QARS1: variants seen among roughly 807,000 people sequenced by gnomAD.
The protein encoded by QARS1 is glutaminyl-tRNA synthetase 1, also known as glutamine--tRNA ligase.
A neutral mutation model predicts 106.9 loss-of-function variants in QARS1; 79 were observed. The observed-to-expected ratio is 0.74, with a 90% confidence interval of 0.62 to 0.89. The LOEUF is 0.89. Ranked by LOEUF, QARS1 falls within the 40% of genes least tolerant of loss-of-function variation. The pLI is 0.00. For synonymous variants in QARS1, 395 were observed against 367.7 expected, an observed-to-expected ratio of 1.07 and a Z score of -0.85; for missense variants, 966 against 997.2, an observed-to-expected ratio of 0.97 and a Z score of 0.42.
chr3:49,102,045 T>C (rs1288966156), intron 7 of QARS1, 146 bp from the exon 8 acceptor site: 9 of 1,326,860 alleles, frequency 6.8e-6, no homozygotes, highest in Non-Finnish European at 9.5e-6. Context: ...CATGCCAGTC[T>C]CTGGGCAAAG....
At chr3:49,103,283 G>T in intron 5 of QARS1, 62 bp downstream of exon 5, 1 of 1,559,102 alleles carries the variant, frequency 6.4e-7, no homozygotes. Flanking sequence ...ATCCCTTAGT[G>T]GATTCCAGGC....
chr3:49,100,794 G>C (rs2042460780), intron 10 of QARS1, 120 bp from the exon 11 acceptor site: 1 of 862,968 alleles, frequency 1.2e-6, no homozygotes, highest in African/African-American at 1.7e-5. Context: ...TTTTGAGATG[G>C]AGTCTTGATT....
Position 49,100,190 on chromosome 3 carries a change from C to A in QARS1, c.1164G>T (p.Glu388Asp), listed in dbSNP as rs201842141. ...CCCAGATGCTCCTCTAGGACCCCAC[C>A]TCAAAGAGCAGCAGTGACTCCTCCA... The part of the protein sequence containing the change: ...RPMEESLLLF[E>D]AMRKGKFSEG... Residue 388 changes from glutamate to aspartate, a missense_variant and splice_region_variant, in exon 13 of 24, where the codon GAG becomes GAT. Coordinates refer to ENST00000306125, the MANE Select transcript of QARS1 (RefSeq NM_005051.3). 19 of 1,614,136 alleles carry A rather than the reference C, an allele frequency of 1.2e-5. No homozygotes were observed. Among genetic ancestry groups the A allele is most frequent in the Non-Finnish European group, 1.6e-5 (19 of 1,180,048 alleles).
chr3:49,103,088 G>A (rs1368387168), intron 5 of QARS1, among the ~76,000 whole-genome samples: 2 of 152,146 alleles, frequency 1.3e-5, no homozygotes, highest in African/African-American at 4.8e-5. Context: ...CCCACAAATT[G>A]CTGGGACTAC....
chr3:49,101,568 A>G (rs1482471851), intron 9 of QARS1, 52 bp downstream of exon 9: 1 of 1,603,088 alleles, frequency 6.2e-7, no homozygotes, highest in Non-Finnish European at 8.5e-7. Context: ...CAGCCCAGGC[A>G]CTCAGGCAGG....
intron 7 of QARS1, 51 bp from the exon 8 acceptor site, chr3:49,101,950 T>A (rs1227920140): frequency 6.4e-7 from 1 of 1,555,906 alleles, no homozygotes; most frequent in East Asian, 2.3e-5. Context: ...ATTTACCATA[T>A]CCTACAGCCA....
rs957290917 is a variant in QARS1 at position 49,102,008 on chromosome 3, A to C, written c.632-109T>G. 8.9e-6 allele frequency: 12 copies of C among 1,349,140 alleles called. No homozygotes were observed. The Admixed American group carries it at 1.3e-4, about 15-fold the overall frequency. 83.6% of individuals were successfully genotyped at this position (1,349,140 alleles called of 1,614,324 possible). A position where few individuals can be genotyped will look rare whatever the true frequency, so the allele number is the denominator to read the frequency against. On this transcript the variant is annotated intron_variant, in intron 7 of 23. Coordinates refer to ENST00000306125, the MANE Select transcript of QARS1 (RefSeq NM_005051.3). ...ATTCCCTCAATTCCAGAGACAAGAT[A>C]TCTAGAGCCAGACATCTGAGGCCTC...
chr3:49,103,972 G>A lies in QARS1; in HGVS notation c.266C>T (p.Ala89Val), dbSNP rs2042505210. The change falls in exon 3 of 24, where the codon GCT (alanine) becomes GTT (valine). Residue 89 changes from alanine to valine, a missense_variant and splice_region_variant. Coordinates refer to ENST00000306125, the MANE Select transcript of QARS1 (RefSeq NM_005051.3). ...GTGACTCCGCACATACTCAAGGGCA[G>A]CTGAGAAGAAAGAGCCCGTGAGTTT... ...KKIHTEPQLS[A>V]ALEYVRSHPL... 3 of 1,612,880 alleles carry A rather than the reference G, an allele frequency of 1.9e-6. No individual in the cohort carries two copies. The highest frequency in any genetic ancestry group is 2.2e-5 in the South Asian group (2 of 91,052).
chr3:49,096,095 A>T lies in QARS1; in HGVS notation c.2278-16T>A. 4 of 1,612,642 alleles carry T rather than the reference A, an allele frequency of 2.5e-6. No homozygotes were observed. Among genetic ancestry groups the T allele is most frequent in the Non-Finnish European group, 2.5e-6 (3 of 1,179,272 alleles). ...TAAAGACAAGCTGGAGGGCAGAGGG[A>T]AAAGGATGACCACCAACCCAGAACA... is the stretch of plus-strand genomic sequence containing the variant. On this transcript the variant is annotated splice_polypyrimidine_tract_variant and intron_variant, in intron 23 of 23. Coordinates refer to ENST00000306125, the MANE Select transcript of QARS1 (RefSeq NM_005051.3).
intron 23 of QARS1, 104 bp downstream of exon 23, chr3:49,097,888 A>G: frequency 6.8e-7 from 1 of 1,470,112 alleles, no homozygotes; most frequent in Non-Finnish European, 9.3e-7. Flanking sequence ...CAACTCCCTC[A>G]GGTGGTGAGG....
At position 49,096,060 on chromosome 3, in the gene QARS1, A is replaced by G. The variant is rs779522277; in HGVS notation, c.2297T>C (p.Val766Ala). Residue 766 changes from valine (V) to alanine (A), a missense_variant, in exon 24 of 24, where the codon GTC becomes GCC. Coordinates refer to ENST00000306125, the MANE Select transcript of QARS1 (RefSeq NM_005051.3). The stretch of plus-strand genomic sequence containing the variant: ...CTTTCCTGGGTCTTCCTTCAGTGTG[A>G]CAGTTCGGTTAAAGACAAGCTGGAG... The part of the protein sequence containing the change: ...HQGKLVFNRT[V>A]TLKEDPGKV 6.2e-7 allele frequency: 1 copy of G among 1,613,880 alleles called. No individual in the cohort carries two copies. Among genetic ancestry groups the G allele is most frequent in the Non-Finnish European group, 8.5e-7 (1 of 1,179,934 alleles).
intron 1 of QARS1, 54 bp downstream of exon 1, chr3:49,104,563 G>A (rs370736458): frequency 1.2e-5 from 19 of 1,597,120 alleles, no homozygotes; most frequent in Non-Finnish European, 1.4e-5. Context: ...ACCCCGCCCC[G>A]CGCTGCGTTG....
chr3:49,099,003 C>A lies in QARS1; in HGVS notation c.1759-14G>T. 6.2e-7 allele frequency: 1 copy of A among 1,612,990 alleles called. No individual in the cohort carries two copies. Among genetic ancestry groups the A allele is most frequent in the Non-Finnish European group, 8.5e-7 (1 of 1,179,006 alleles). On this transcript the variant is annotated splice_polypyrimidine_tract_variant and intron_variant, in intron 18 of 23. Transcript: ENST00000306125. ...GATGTCCAAGGACTATAGCAGGAGA[C>A]AGGAGACAGGTATGAGTCATACTCA... is the stretch of plus-strand genomic sequence containing the variant.
Position 49,104,418 on chromosome 3 carries a change from A to G in QARS1, c.171T>C (p.Tyr57=). 6.2e-7 allele frequency: 1 copy of G among 1,614,216 alleles called. No homozygotes were observed. Among genetic ancestry groups the G allele is most frequent in the Non-Finnish European group, 8.5e-7 (1 of 1,180,036 alleles). ...TIDKATGILL[Y]GLASRLRDTR... Reference sequence around the variant, plus strand: ...TATCCCTGAGTCGGGAGGCCAAGCCATATAACAGGATCCCGGTAGCTTTGT... The same window carrying G: ...TATCCCTGAGTCGGGAGGCCAAGCCGTATAACAGGATCCCGGTAGCTTTGT... Residue 57 remains tyrosine, a synonymous_variant, in exon 2 of 24, where the codon TAT becomes TAC. Coordinates refer to ENST00000306125, the MANE Select transcript of QARS1 (RefSeq NM_005051.3).
intron 23 of QARS1, 117 bp from the exon 24 acceptor site, chr3:49,096,196 G>T: frequency 9.1e-7 from 1 of 1,103,916 alleles, no homozygotes; most frequent in Non-Finnish European, 1.3e-6. Flanking sequence ...GAAGCCGAGG[G>T]ACTAAGGGTC....
chr3:49,104,633 C>T lies in QARS1; in HGVS notation c.101G>A (p.Arg34His), dbSNP rs1261477095. The change falls in exon 1 of 24, where the codon CGC becomes CAC. Residue 34 changes from arginine (R) to histidine (H), a missense_variant. Transcript: ENST00000306125. ...GGCTCGCACCTGAGTAGCGGCCTCG[C>T]GCAGCTGCGCGCTCAGAGCCGAGTT... ...LKNSALSAQL[R>H]EAATQAQQTL... is the part of the protein sequence containing the mutation. The T allele has an allele frequency of 1.9e-6, 3 of 1,604,722 alleles. No individual in the cohort carries two copies. The highest frequency in any genetic ancestry group is 2.7e-5 in the African/African-American group (2 of 74,752).
At position 49,098,808 on chromosome 3, in the gene QARS1, C is replaced by T. The variant is rs896611371; in HGVS notation, c.1863+77G>A. The T allele has an allele frequency of 2.0e-6, 3 of 1,502,136 alleles. No individual in the cohort carries two copies. The African/African-American group carries it at 4.2e-5, about 21-fold the overall frequency. The allele number at this position is 1,502,136 out of a possible 1,614,324, so 93.1% of individuals were successfully genotyped here. ...TCATCTGAAGCAGGAAGTAGATGGACTGACAGAGATGAGGAGATGAAAGGT... is the reference window on the plus strand; with the variant it reads ...TCATCTGAAGCAGGAAGTAGATGGATTGACAGAGATGAGGAGATGAAAGGT... On this transcript the variant is annotated intron_variant, in intron 19 of 23. Coordinates refer to ENST00000306125, the MANE Select transcript of QARS1 (RefSeq NM_005051.3).
chr3:49,103,809 C>T, intron 3 of QARS1, 54 bp downstream of exon 3: 4 of 1,598,534 alleles, frequency 2.5e-6, no homozygotes, highest in South Asian at 1.1e-5. Context: ...AACTGAGCCA[C>T]TCCTTTCCAT....
rs752771374 is a variant in QARS1 at position 49,101,424 on chromosome 3, C to T, written c.807G>A (p.Pro269=). 8 of 1,613,678 alleles carry T rather than the reference C, an allele frequency of 5.0e-6. 1 individual carries two copies. Among genetic ancestry groups the T allele is most frequent in the South Asian group, 2.2e-5 (2 of 91,072 alleles). Residue 269 remains proline (P), a synonymous_variant, in exon 10 of 24, where the codon CCG becomes CCA. Coordinates refer to ENST00000306125, the MANE Select transcript of QARS1 (RefSeq NM_005051.3). ...TATGCAGGATTCCATTGGGTTCTGG[C>T]GGGAACCGGGTACGTACCTAAAATA... ...ITGGQVRTRF[P]PEPNGILHIG...
Sources: gnomAD v4.1 joint callset for allele counts (sites outside exome capture counted in the v4.1 genomes callset) on GRCh38, gnomAD v4.1.1 for gene constraint, MANE v1.5 for transcripts, NCBI Gene and HGNC (gene_info 2026-07-23, HGNC 2026-07-21) for gene names.